Variants in DOCK3 observed in about 807,000 individuals in gnomAD.
DOCK3 encodes the protein dedicator of cytokinesis 3.
In DOCK3, 60 loss-of-function variants were observed where a neutral mutation model predicts 265.6. The ratio of observed to expected loss-of-function variants is 0.23; its 90% CI spans 0.18 to 0.28. The LOEUF (loss-of-function observed/expected upper bound fraction) is 0.28, where lower values mean the gene tolerates loss of function less well. DOCK3 is among the 10% of genes least tolerant of loss of function. The pLI is 1.00. For missense variants in DOCK3, 1,981 were observed against 2,594.3 expected (o/e 0.76, Z 5.14); for synonymous variants, 881 against 938.0 (o/e 0.94, Z 1.11).
chr3:51,064,725 C>A, intron 6 of DOCK3, 129 bp downstream of exon 6: 1 of 1,235,804 alleles, frequency 8.1e-7, no homozygotes, highest in South Asian at 1.7e-5. Context: ...ACTAAGCTTT[C>A]ATCATTTTTG....
At chr3:51,161,460 G>GA (rs1203566510) in intron 12 of DOCK3, among the ~76,000 whole-genome samples, 1 of 151,508 alleles carries the variant, frequency 6.6e-6, no homozygotes, top group Non-Finnish European at 1.5e-5. Flanking sequence ...AAAAAAGAAA[G>GA]AAAAAAAGAA....
chr3:51,320,223 G>T lies in DOCK3; in HGVS notation c.3402+5095G>T, dbSNP rs534159667. ...CTCCCGGGAAGCACAAGGGGTCGGG[G>T]AATTCCCTTCCCTAGCCAAGAGAAG... is the stretch of plus-strand genomic sequence containing the variant. On this transcript the variant is annotated intron_variant, in intron 32 of 52. Transcript: ENST00000266037. 2.6e-5 allele frequency among the ~76,000 whole-genome samples: 4 copies of T among 152,190 alleles called. No individual in the cohort carries two copies. The South Asian group carries it at 8.3e-4, about 32-fold the overall frequency.
chr3:50,864,868 G>A (rs1481424925), intron 3 of DOCK3, among the ~76,000 whole-genome samples: 2 of 151,870 alleles, frequency 1.3e-5, no homozygotes, highest in Non-Finnish European at 2.9e-5. Flanking sequence ...TTTGAAGTCA[G>A]GTATTATGAT....
intron 3 of DOCK3, among the ~76,000 whole-genome samples, chr3:50,883,127 GA>G (rs1285327523): frequency 6.6e-6 from 1 of 152,070 alleles, no homozygotes; most frequent in Non-Finnish European, 1.5e-5. Flanking sequence ...TGGGGTGGGG[GA>G]ATGGGGGAGG....
intron 3 of DOCK3, among the ~76,000 whole-genome samples, chr3:50,861,367 A>G (rs2046901641): frequency 6.6e-6 from 1 of 152,124 alleles, no homozygotes; most frequent in Admixed American, 6.5e-5. Context: ...TCAATTTTTA[A>G]GAATGTCCCA....
intron 1 of DOCK3, among the ~76,000 whole-genome samples, chr3:50,752,933 T>C (rs2039928124): frequency 6.6e-6 from 1 of 152,184 alleles, no homozygotes; most frequent in East Asian, 1.9e-4. Context: ...ATACCAAAAA[T>C]ATATGACATT....
intron 1 of DOCK3, among the ~76,000 whole-genome samples, chr3:50,726,717 C>T (rs1345015117): frequency 6.6e-6 from 1 of 152,138 alleles, no homozygotes; most frequent in Non-Finnish European, 1.5e-5. Flanking sequence ...AAAGAATTTA[C>T]TCTTTACAAA....
chr3:51,183,496 G>A (rs1321652860), intron 12 of DOCK3, among the ~76,000 whole-genome samples: 1 of 152,118 alleles, frequency 6.6e-6, no homozygotes, highest in Non-Finnish European at 1.5e-5. Context: ...CTGAGACTCA[G>A]ATCCCTATAG....
chr3:51,113,918 C>G (rs575362381), intron 9 of DOCK3, among the ~76,000 whole-genome samples: 1 of 152,122 alleles, frequency 6.6e-6, no homozygotes, highest in African/African-American at 2.4e-5. Context: ...TTGAGATCAG[C>G]CTGGGCAACA....
chr3:50,878,829 G>C (rs2047862380), intron 3 of DOCK3, among the ~76,000 whole-genome samples: 1 of 152,180 alleles, frequency 6.6e-6, no homozygotes, highest in African/African-American at 2.4e-5. Context: ...ATAATTGTCA[G>C]ATTCATCAAA....
At position 51,359,206 on chromosome 3, in the gene DOCK3, G is replaced by C. The variant is rs2086567201; in HGVS notation, c.4884+1129G>C. On this transcript the variant is annotated intron_variant, in intron 46 of 52. Coordinates refer to ENST00000266037, the MANE Select transcript of DOCK3 (RefSeq NM_004947.5). This position sits in a 1 kb window ranked among gnomAD's most constrained non-coding sequence, Gnocchi z 4.8. ...GGCCTGACCCATTTGGGGCGGACCT[G>C]CTGTGTTCTTGGATGCTGCAGGTTC... Among the ~76,000 whole-genome samples the C allele has an allele frequency of 6.6e-6, 1 of 152,260 alleles. No individual in the cohort carries two copies. The highest frequency in any genetic ancestry group is 6.5e-5 in the Admixed American group (1 of 15,288).
chr3:50,888,410 C>CA (rs2048455314), intron 3 of DOCK3, among the ~76,000 whole-genome samples: 1 of 152,018 alleles, frequency 6.6e-6, no homozygotes, highest in Admixed American at 6.6e-5. Context: ...AGGAAGAATG[C>CA]ATATCGTGAA....
chr3:51,276,385 T>C, intron 25 of DOCK3: 1 of 985,096 alleles, frequency 1.0e-6, no homozygotes. Context: ...AGCTTATTGC[T>C]AAAGGAAGGA....
chr3:51,216,344 ACT>A (rs2089786102), intron 14 of DOCK3, among the ~76,000 whole-genome samples: 1 of 152,100 alleles, frequency 6.6e-6, no homozygotes, highest in African/African-American at 2.4e-5. Context: ...GCTAGACATG[ACT>A]CTGGAAATAT....
At chr3:50,701,261 G>C (rs1472293510) in intron 1 of DOCK3, among the ~76,000 whole-genome samples, 1 of 151,730 alleles carries the variant, frequency 6.6e-6, no homozygotes, top group East Asian at 1.9e-4. Flanking sequence ...AGGACAACAG[G>C]TCCACGCCAC....
chr3:51,017,933 C>T (rs2108850389), intron 5 of DOCK3, among the ~76,000 whole-genome samples: 1 of 151,834 alleles, frequency 6.6e-6, no homozygotes, highest in Middle Eastern at 3.4e-3. Context: ...TACTCTGTTG[C>T]CCAGGCTGGA....
intron 5 of DOCK3, among the ~76,000 whole-genome samples, chr3:51,025,998 G>A (rs1217483773): frequency 6.6e-6 from 1 of 151,816 alleles, no homozygotes; most frequent in Non-Finnish European, 1.5e-5. Flanking sequence ...TGTTTCAAAG[G>A]GTCTGTAGAT....
At chr3:51,246,842 A>G (rs1413486570) in intron 22 of DOCK3, 35 bp downstream of exon 22, 1 of 1,589,948 alleles carries the variant, frequency 6.3e-7, no homozygotes, top group African/African-American at 1.3e-5. Context: ...TAAGAGACCC[A>G]CTCATGCAAT....
chr3:50,709,808 A>G (rs2036641519), intron 1 of DOCK3, among the ~76,000 whole-genome samples: 1 of 152,138 alleles, frequency 6.6e-6, no homozygotes, highest in African/African-American at 2.4e-5. Context: ...TCTGGGTGAC[A>G]AGAGTGAGAC....
Sources: allele counts gnomAD v4.1 joint callset (sites outside exome capture counted in the v4.1 genomes callset), GRCh38; gene constraint gnomAD v4.1.1; non-coding constraint Gnocchi (gnomAD v3.1); transcripts MANE v1.5; gene names NCBI Gene and HGNC (gene_info 2026-07-23, HGNC 2026-07-21).